Variants in POU6F2 observed in about 807,000 individuals in gnomAD.
POU6F2 encodes the protein POU class 6 homeobox 2.
POU6F2 carries 31 observed loss-of-function variants against 71.3 expected under a neutral mutation model. The observed-to-expected ratio is 0.43, with a 90% CI of 0.33 to 0.59. The LOEUF (loss-of-function observed/expected upper bound fraction) is 0.59. POU6F2 is among the 20% of genes least tolerant of loss of function. POU6F2 has a pLI of 0.04. For synonymous variants in POU6F2, 347 were observed against 355.7 expected, an observed-to-expected ratio of 0.98 and a Z score of 0.27; for missense variants, 783 against 856.8, an observed-to-expected ratio of 0.91 and a Z score of 1.07.
chr7:39,379,698 A>T (rs1042774476), intron 5 of POU6F2, among the ~76,000 whole-genome samples: 4 of 152,216 alleles, frequency 2.6e-5, no homozygotes, highest in South Asian at 2.1e-4. Context: ...TTAAAAAAAA[A>T]TTTTAAACAC....
At chr7:39,029,639 TAAAAAG>T (rs1789894170) in intron 1 of POU6F2, among the ~76,000 whole-genome samples, 1 of 132,306 alleles carries the variant, frequency 7.6e-6, no homozygotes, top group South Asian at 2.4e-4. Context: ...TGTATACAAA[TAAAAAG>T]AAAGAACAAT....
chr7:39,255,417 T>C (rs1317983481), intron 4 of POU6F2, among the ~76,000 whole-genome samples: 1 of 152,180 alleles, frequency 6.6e-6, no homozygotes, highest in African/African-American at 2.4e-5. Context: ...AGAAGACACT[T>C]TATTCTTCGT....
chr7:39,212,957 G>A (rs1234770686), intron 4 of POU6F2, among the ~76,000 whole-genome samples: 2 of 152,212 alleles, frequency 1.3e-5, no homozygotes, highest in Non-Finnish European at 2.9e-5. Flanking sequence ...ACAACAGGCA[G>A]CAAAAGGGTT....
chr7:39,292,985 G>C (rs1177518993), intron 4 of POU6F2, among the ~76,000 whole-genome samples: 1 of 152,076 alleles, frequency 6.6e-6, no homozygotes, highest in Non-Finnish European at 1.5e-5. Flanking sequence ...TCTTGCTTGG[G>C]CTCTGGCCGC....
chr7:39,283,487 T>G (rs1784600718), intron 4 of POU6F2, among the ~76,000 whole-genome samples: 1 of 152,172 alleles, frequency 6.6e-6, no homozygotes, highest in Non-Finnish European at 1.5e-5. Flanking sequence ...ATGAATTTGA[T>G]TACTCTAGGT....
intron 4 of POU6F2, among the ~76,000 whole-genome samples, chr7:39,212,758 C>A (rs1227344217): frequency 6.6e-6 from 1 of 152,214 alleles, no homozygotes; most frequent in Admixed American, 6.5e-5. Context: ...TCAGTGTCTT[C>A]CCTTTTACTA....
rs556390718 is a variant in POU6F2 at position 39,444,757 on chromosome 7, T to C, written c.1321-6776T>C. 1.2e-3 allele frequency among the ~76,000 whole-genome samples: 184 copies of C among 152,358 alleles called. 1 individual carries two copies. Among genetic ancestry groups the C allele is most frequent in the African/African-American group, 4.2e-3 (176 of 41,588 alleles). The stretch of plus-strand genomic sequence containing the variant: ...GTGAACACCTCCCAAAGTCAGGGTC[T>C]CTTCAGAGGCCCTGTTTTCTTTCCC... On this transcript the variant is annotated intron_variant, in intron 7 of 9. Coordinates refer to ENST00000518318, the MANE Select transcript of POU6F2 (RefSeq NM_001370959.1).
rs759231158 is a variant in POU6F2, at chr7:39,433,266, A to G, written c.1303A>G (p.Ile435Val). The stretch of plus-strand genomic sequence containing the variant: ...CACCCAGGGCATCACGCTGTCACCC[A>G]TCAAGCCCGGCCAGCAGGTAAATGT... ...INTQGITLSPIKPGQQLHQPS... is the reference protein window; with the variant it reads ...INTQGITLSPVKPGQQLHQPS... Residue 435 changes from isoleucine (I) to valine (V), a missense_variant, in exon 7 of 10, where the codon ATC becomes GTC. Ile to Val is a conservative substitution (Grantham distance 29). Transcript: ENST00000518318. 7 of 1,613,850 alleles carry G rather than the reference A, an allele frequency of 4.3e-6. No homozygotes were observed. In the Admixed American group the frequency reaches 6.7e-5, roughly 15 times the overall value.
intron 8 of POU6F2, among the ~76,000 whole-genome samples, chr7:39,454,260 T>C (rs555751224): frequency 6.6e-6 from 1 of 152,264 alleles, no homozygotes; most frequent in East Asian, 1.9e-4. Context: ...TGTGGATGTT[T>C]TCACCAACTT....
At chr7:38,992,735 C>A (rs941685546) in intron 1 of POU6F2, among the ~76,000 whole-genome samples, 1 of 152,156 alleles carries the variant, frequency 6.6e-6, no homozygotes, top group Non-Finnish European at 1.5e-5. Flanking sequence ...TGAACTAACG[C>A]TTTGCCACCT....
chr7:39,056,972 C>A (rs77095142), intron 1 of POU6F2, among the ~76,000 whole-genome samples: 2,727 of 152,098 alleles, frequency 0.018, 34 homozygotes, highest in Non-Finnish European at 0.03. Context: ...AGAAAATATT[C>A]ATTTCTCTAT....
intron 2 of POU6F2, among the ~76,000 whole-genome samples, chr7:39,172,873 G>A (rs1453458699): frequency 6.6e-6 from 1 of 151,906 alleles, no homozygotes; most frequent in Non-Finnish European, 1.5e-5. Flanking sequence ...CACCCGCCTC[G>A]GCCTCCCAAA....
intron 5 of POU6F2, among the ~76,000 whole-genome samples, chr7:39,389,323 A>G (rs1787017550): frequency 6.6e-6 from 1 of 152,224 alleles, no homozygotes; most frequent in Non-Finnish European, 1.5e-5. Context: ...GAATTCTAAA[A>G]TATCAAAATG....
chr7:39,266,297 T>C (rs1218123324), intron 4 of POU6F2, among the ~76,000 whole-genome samples: 2 of 152,220 alleles, frequency 1.3e-5, no homozygotes. Flanking sequence ...ACGTCTGCAT[T>C]GACCAGGAAG....
chr7:39,353,975 G>T (rs946599307), intron 5 of POU6F2, among the ~76,000 whole-genome samples: 2 of 152,150 alleles, frequency 1.3e-5, no homozygotes, highest in Non-Finnish European at 2.9e-5. Flanking sequence ...AGTTACATCG[G>T]CCCAGGCCCG....
intron 4 of POU6F2, among the ~76,000 whole-genome samples, chr7:39,256,089 A>C (rs1015929600): frequency 6.6e-6 from 1 of 150,878 alleles, no homozygotes; most frequent in Non-Finnish European, 1.5e-5. Context: ...CATTCCTTGA[A>C]TCCCCCAGAT....
intron 1 of POU6F2, among the ~76,000 whole-genome samples, chr7:38,980,019 A>G (rs979799226): frequency 6.6e-6 from 1 of 152,180 alleles, no homozygotes; most frequent in South Asian, 2.1e-4. Context: ...TTAACTTCTA[A>G]TTTGTCAGGA....
chr7:38,978,140 C>T (rs1026668770), intron 1 of POU6F2, 82 bp downstream of exon 1: 7 of 152,174 alleles, frequency 4.6e-5, no homozygotes, highest in African/African-American at 1.7e-4. Context: ...ATTTACAGTA[C>T]CATCTTTCTA....
At chr7:39,181,257 G>A (rs1375144207) in intron 2 of POU6F2, among the ~76,000 whole-genome samples, 1 of 152,120 alleles carries the variant, frequency 6.6e-6, no homozygotes, top group Non-Finnish European at 1.5e-5. Context: ...GGTCCTTTGA[G>A]AACCTTGCTC....
Sources: gnomAD v4.1 joint callset for allele counts (sites outside exome capture counted in the v4.1 genomes callset) on GRCh38, gnomAD v4.1.1 for gene constraint, MANE v1.5 for transcripts, NCBI Gene and HGNC (gene_info 2026-07-23, HGNC 2026-07-21) for gene names.